Variants in CALN1 observed in about 807,000 individuals in gnomAD.
CALN1 encodes the protein calneuron 1.
A neutral mutation model predicts 30.6 loss-of-function variants in CALN1; 17 were observed. The ratio of observed to expected loss-of-function variants is 0.56; its 90% CI spans 0.38 to 0.83. The LOEUF (loss-of-function observed/expected upper bound fraction) is 0.83, where lower values mean the gene tolerates loss of function less well. Among genes scored for constraint, CALN1 ranks in the 40% least tolerant of loss-of-function variants. The pLI, the probability that CALN1 is intolerant of heterozygous loss-of-function variation, is 0.00. For missense variants in CALN1, 291 were observed against 354.9 expected (o/e 0.82, Z 1.45); for synonymous variants, 156 against 131.4 (o/e 1.19, Z -1.28).
intron 5 of CALN1, among the ~76,000 whole-genome samples, chr7:71,969,434 T>A (rs1374124814): frequency 6.6e-6 from 1 of 152,214 alleles, no homozygotes; most frequent in Non-Finnish European, 1.5e-5. Context: ...AGTATTTTTT[T>A]AATCAAGGTA....
intron 3 of CALN1, among the ~76,000 whole-genome samples, chr7:72,204,171 A>AT (rs1791659899): frequency 7.6e-6 from 1 of 131,580 alleles, no homozygotes; most frequent in Non-Finnish European, 1.6e-5. Context: ...TTTTTTTTGT[A>AT]TTTTTATTAG....
At chr7:71,823,573 C>T (rs549722434) in intron 5 of CALN1, among the ~76,000 whole-genome samples, 171 of 152,074 alleles carry the variant, frequency 1.1e-3, no homozygotes, top group African/African-American at 4.0e-3. Flanking sequence ...TAAAAATTAG[C>T]CGGGCATGGT....
At chr7:72,184,014 T>C (rs1790004327) in intron 3 of CALN1, among the ~76,000 whole-genome samples, 1 of 152,134 alleles carries the variant, frequency 6.6e-6, no homozygotes, top group South Asian at 2.1e-4. Context: ...AAATTGAATT[T>C]ACTCAACCAG....
intron 2 of CALN1, among the ~76,000 whole-genome samples, chr7:72,354,638 C>A (rs973488929): frequency 3.9e-5 from 6 of 152,106 alleles, no homozygotes; most frequent in Non-Finnish European, 7.4e-5. Context: ...GACTCACTTG[C>A]GTGTGACCAA....
chr7:71,962,550 G>A (rs1174931493), intron 5 of CALN1, among the ~76,000 whole-genome samples: 2 of 152,232 alleles, frequency 1.3e-5, no homozygotes, highest in African/African-American at 4.8e-5. Flanking sequence ...ACTATATAGA[G>A]AGTGAATATT....
At chr7:72,308,372 G>GAGAGAGAGA (rs1554362861) in intron 2 of CALN1, among the ~76,000 whole-genome samples, 1 of 92,624 alleles carries the variant, frequency 1.1e-5, no homozygotes, top group African/African-American at 5.6e-5. Flanking sequence ...TGTGGGGGGG[G>GAGAGAGAGA]GAGAGAGAGA....
intron 5 of CALN1, among the ~76,000 whole-genome samples, chr7:71,828,226 C>T (rs1466178589): frequency 6.6e-6 from 1 of 152,062 alleles, no homozygotes; most frequent in Non-Finnish European, 1.5e-5. Context: ...CCCTTCACAC[C>T]AGCTTGATCT....
At chr7:72,498,149 TAAAAAAGGTGA>T in the CALN1 span, among the ~76,000 whole-genome samples, 2 of 152,074 alleles carry the variant, frequency 1.3e-5, no homozygotes, top group Admixed American at 6.6e-5. Flanking sequence ...ATCCAATGTA[TAAAAAAGGTGA>T]AAGCCTCAAT....
At chr7:71,898,405 G>A (rs1793668166) in intron 5 of CALN1, among the ~76,000 whole-genome samples, 1 of 152,086 alleles carries the variant, frequency 6.6e-6, no homozygotes, top group Non-Finnish European at 1.5e-5. Flanking sequence ...ATTGGACATG[G>A]CTGATAAAAG....
intron 4 of CALN1, among the ~76,000 whole-genome samples, chr7:72,029,744 G>A (rs912810024): frequency 1.3e-5 from 2 of 152,240 alleles, no homozygotes; most frequent in African/African-American, 4.8e-5. Flanking sequence ...AGCTCTCAGA[G>A]AGGGCGTGGA....
intron 2 of CALN1, among the ~76,000 whole-genome samples, chr7:72,363,863 T>C (rs1232530449): frequency 6.6e-6 from 1 of 151,382 alleles, no homozygotes; most frequent in Non-Finnish European, 1.5e-5. Context: ...GCCTCCCAAG[T>C]AGCTGCGATT....
At chr7:71,932,014 C>G (rs1167037157) in intron 5 of CALN1, among the ~76,000 whole-genome samples, 1 of 152,166 alleles carries the variant, frequency 6.6e-6, no homozygotes, top group East Asian at 1.9e-4. Context: ...CTGGAACTGG[C>G]AATTAAGGTG....
rs58641041 is a variant in CALN1, at chr7:71,893,282, CT to C, written c.502-82791del. Among the ~76,000 whole-genome samples the C allele has an allele frequency of 9.2e-3, 1,394 of 152,290 alleles. 13 individuals are homozygous for C. The highest frequency in any genetic ancestry group is 0.032 in the African/African-American group (1,322 of 41,558). On this transcript the variant is annotated intron_variant, in intron 5 of 6. Transcript: ENST00000395275. ...GAGGCTATGGATGCTGCTAAACACCCTGTGATGCACAAGAAGGCCTCCCACT... is the reference window on the plus strand; with the variant it reads ...GAGGCTATGGATGCTGCTAAACACCCGTGATGCACAAGAAGGCCTCCCACT...
intron 1 of CALN1, among the ~76,000 whole-genome samples, chr7:72,435,967 C>CA (rs1808144549): frequency 6.6e-6 from 1 of 152,124 alleles, no homozygotes; most frequent in Non-Finnish European, 1.5e-5. Context: ...TGGGGAGTGA[C>CA]AAAGGGGTGC....
intron 3 of CALN1, among the ~76,000 whole-genome samples, chr7:72,162,291 C>T (rs1788169363): frequency 6.6e-6 from 1 of 152,000 alleles, no homozygotes; most frequent in Non-Finnish European, 1.5e-5. Context: ...TCAGTAATGG[C>T]AGAGTAGCTC....
rs1274091985 is a variant in CALN1 at position 71,810,415 on chromosome 7, C to T, written c.579G>A (p.Lys193=). ...YHAFRDHLTM[K]DIENIIINEE... is the part of the protein sequence containing the mutation. ...CATTGATAATGATGTTCTCAATGTC[C>T]TTCATCGTTAGGTGGTCTCGGAAGG... The change falls in exon 6 of 7, where the codon AAG becomes AAA. Residue 193 remains lysine (K), a synonymous_variant. Coordinates refer to ENST00000395275, the MANE Select transcript of CALN1 (RefSeq NM_031468.4). 9 of 1,613,980 alleles carry T rather than the reference C, an allele frequency of 5.6e-6. No individual in the cohort carries two copies. Among genetic ancestry groups the T allele is most frequent in the East Asian group, 2.2e-5 (1 of 44,884 alleles).
In CALN1 at chr7:72,280,256, C is replaced by T. The variant is rs558772741; in HGVS notation, c.120-1446G>A. Reference sequence around the variant, plus strand: ...AACTGGGACAACTCTCCCAAATGCTCGGGGCCCCAAAAAGTAAAACAGACA... The same window carrying T: ...AACTGGGACAACTCTCCCAAATGCTTGGGGCCCCAAAAAGTAAAACAGACA... On this transcript the variant is annotated intron_variant, in intron 2 of 6. Coordinates refer to ENST00000395275, the MANE Select transcript of CALN1 (RefSeq NM_031468.4). Among the ~76,000 whole-genome samples, 15 of 152,280 alleles carry T rather than the reference C, an allele frequency of 9.9e-5. No individual in the cohort carries two copies. In the South Asian group the frequency reaches 2.5e-3, roughly 25 times the overall value.
chr7:72,427,740 T>C (rs1048005969), intron 1 of CALN1, among the ~76,000 whole-genome samples: 3 of 152,082 alleles, frequency 2.0e-5, no homozygotes, highest in African/African-American at 7.2e-5. Flanking sequence ...CTTGGCCTCC[T>C]GACGTGCTGG....
intron 5 of CALN1, among the ~76,000 whole-genome samples, chr7:71,992,164 C>T (rs895253717): frequency 6.6e-6 from 1 of 152,158 alleles, no homozygotes; most frequent in African/African-American, 2.4e-5. Context: ...ATGACTATCA[C>T]ATTGTCTAAG....
Sources: allele counts gnomAD v4.1 joint callset (sites outside exome capture counted in the v4.1 genomes callset), GRCh38; gene constraint gnomAD v4.1.1; transcripts MANE v1.5; gene names NCBI Gene and HGNC (gene_info 2026-07-23, HGNC 2026-07-21).